NOX5: variants seen among roughly 807,000 people sequenced by gnomAD.
The protein encoded by NOX5 is NADPH oxidase 5, also known as NADPH oxidase, EF-hand calcium binding domain 5.
A neutral mutation model predicts 85.7 loss-of-function variants in NOX5; 76 were observed. The observed-to-expected ratio is 0.89, with a 90% CI of 0.74 to 1.07. The LOEUF is 1.07. NOX5 is among the 50% of genes least tolerant of loss of function. The pLI, the probability that NOX5 is intolerant of heterozygous loss-of-function variation, is 0.00. For synonymous variants in NOX5, 405 were observed against 401.4 expected (o/e 1.01, Z -0.11); for missense variants, 973 against 999.5 (o/e 0.97, Z 0.36).
chr15:69,045,679 C>T (rs2050664712), intron 10 of NOX5, among the ~76,000 whole-genome samples: 1 of 149,074 alleles, frequency 6.7e-6, no homozygotes, highest in African/African-American at 2.5e-5. Flanking sequence ...TTCTTTCACT[C>T]TTTCTTTCTT....
chr15:69,036,959 G>A, intron 7 of NOX5, 69 bp from the exon 8 acceptor site: 1 of 1,255,618 alleles, frequency 8.0e-7, no homozygotes, highest in Non-Finnish European at 1.2e-6. Context: ...GGATAACCCT[G>A]AGTCCTGGCT....
intron 6 of NOX5, 100 bp from the exon 7 acceptor site, chr15:69,035,658 C>T (rs2277554): frequency 0.91 from 1,422,206 of 1,557,294 alleles, 660,675 homozygotes; most frequent in Non-Finnish European, 0.96. Flanking sequence ...AGTTTCTGCC[C>T]GTGCTAGTAT....
At position 69,021,349 on chromosome 15, in the gene NOX5, CT is replaced by C. The variant is rs59303957; in HGVS notation, c.51-5162del. The stretch of plus-strand genomic sequence containing the variant: ...TGACATTTAACTGCCCTTTTGAATT[CT>C]TTTTTTTTTTTTTTTTGAGACAGCA... On this transcript the variant is annotated intron_variant, in intron 1 of 15. Transcript: ENST00000388866. Among the ~76,000 whole-genome samples, 967 of 133,982 alleles carry C rather than the reference CT, an allele frequency of 7.2e-3. 1 individual carries two copies. Among genetic ancestry groups the C allele is most frequent in the East Asian group, 0.019 (87 of 4,668 alleles). 87.9% of individuals were successfully genotyped at this position (133,982 alleles called of 152,430 possible).
chr15:69,059,560 A>G lies in NOX5; in HGVS notation c.*2864A>G, dbSNP rs909966065. ...CTTTTCTGCTTGCAACAAAATGTCCATCGGTGAGGTCAAGTTGAACTGAAC... is the reference window on the plus strand; with the variant it reads ...CTTTTCTGCTTGCAACAAAATGTCCGTCGGTGAGGTCAAGTTGAACTGAAC... On this transcript the variant is annotated 3_prime_UTR_variant, in exon 16 of 16. Transcript: ENST00000388866. 6.6e-6 allele frequency: 1 copy of G among 151,932 alleles called. No individual in the cohort carries two copies. The highest frequency in any genetic ancestry group is 2.4e-5 in the African/African-American group (1 of 41,300). 9.4% of individuals were successfully genotyped at this position (151,932 alleles called of 1,614,324 possible). A position where few individuals can be genotyped will look rare whatever the true frequency, so the allele number is the denominator to read the frequency against.
Position 69,031,395 on chromosome 15 carries a change from T to C in NOX5, c.326-123T>C, listed in dbSNP as rs550896990. 2.4e-5 allele frequency: 27 copies of C among 1,120,834 alleles called. 1 individual carries two copies. The Middle Eastern group carries it at 1.2e-3, about 48-fold the overall frequency. The allele number at this position is 1,120,834 out of a possible 1,614,324, so 69.4% of individuals were successfully genotyped here. A position where few individuals can be genotyped will look rare whatever the true frequency, so the allele number is the denominator to read the frequency against. On this transcript the variant is annotated intron_variant, in intron 3 of 15. Transcript: ENST00000388866. ...CTGTTGAGCTAGGCAGTCGGGAACATGGAAGGTTTCTGAGCTGAGGGTGAC... is the reference window on the plus strand; with the variant it reads ...CTGTTGAGCTAGGCAGTCGGGAACACGGAAGGTTTCTGAGCTGAGGGTGAC...
intron 1 of NOX5, among the ~76,000 whole-genome samples, chr15:69,021,047 A>C (rs2050289871): frequency 6.6e-6 from 1 of 152,190 alleles, no homozygotes; most frequent in Non-Finnish European, 1.5e-5. Flanking sequence ...TAACTAACTA[A>C]ACTAAGGTTG....
At chr15:69,033,429 C>T (rs974478159) in intron 5 of NOX5, 152 bp downstream of exon 5, 6 of 828,820 alleles carry the variant, frequency 7.2e-6, no homozygotes, top group South Asian at 1.7e-5. Flanking sequence ...AGTTGGAGGA[C>T]GCCGCCCAGA....
At chr15:69,032,654 G>T (rs949689194) in intron 4 of NOX5, among the ~76,000 whole-genome samples, 1 of 152,014 alleles carries the variant, frequency 6.6e-6, no homozygotes, top group African/African-American at 2.4e-5. Context: ...CAGGTGATCC[G>T]CCCGCCTTGG....
intron 6 of NOX5, 69 bp from the exon 7 acceptor site, chr15:69,035,689 T>C: frequency 6.3e-7 from 1 of 1,582,484 alleles, no homozygotes; most frequent in Non-Finnish European, 8.6e-7. Flanking sequence ...AGGGTGGGGA[T>C]CCCAATGGGA....
chr15:69,019,614 G>T lies in NOX5; in HGVS notation c.50+4829G>T, dbSNP rs138810065. ...AATCCTCTTTCTCCCCTCCAGTCCT[G>T]CCTCTTTAAGGACCAGTGCTGACAG... On this transcript the variant is annotated intron_variant, in intron 1 of 15. Transcript: ENST00000388866. Among the ~76,000 whole-genome samples the T allele has an allele frequency of 9.5e-4, 144 of 152,292 alleles. 1 individual carries two copies. Among genetic ancestry groups the T allele is most frequent in the African/African-American group, 3.2e-3 (134 of 41,566 alleles).
At chr15:69,039,361 A>G (rs2050563607) in intron 9 of NOX5, among the ~76,000 whole-genome samples, 1 of 150,524 alleles carries the variant, frequency 6.6e-6, no homozygotes, top group Non-Finnish European at 1.5e-5. Context: ...AGTCTTCTGT[A>G]ACTAGAGCTA....
intron 14 of NOX5, among the ~76,000 whole-genome samples, chr15:69,049,633 T>C (rs2050722758): frequency 6.6e-6 from 1 of 152,162 alleles, no homozygotes. Flanking sequence ...TATTTCTTTA[T>C]TTTTGTAATT....
Position 69,055,455 on chromosome 15 carries a change from G to A in NOX5, c.2121G>A (p.Thr707=), listed in dbSNP as rs773538154. The change falls in exon 15 of 16, where the codon ACG becomes ACA. Residue 707 remains threonine (T), a synonymous_variant. Coordinates refer to ENST00000388866, the MANE Select transcript of NOX5 (RefSeq NM_024505.4). ...ACAAGGAGAAGAAAGACTCCATCAC[G>A]GGGCTGCAGACGCGCACCCAGCCTG... ...LANKEKKDSI[T]GLQTRTQPGR... 1.3e-5 allele frequency: 21 copies of A among 1,614,148 alleles called. No homozygotes were observed. Among genetic ancestry groups the A allele is most frequent in the Middle Eastern group, 1.7e-4 (1 of 6,060 alleles).
chr15:69,026,905 C>G (rs887374247), intron 2 of NOX5, among the ~76,000 whole-genome samples: 2 of 152,192 alleles, frequency 1.3e-5, no homozygotes, highest in Admixed American at 1.3e-4. Flanking sequence ...ACAATTTCCA[C>G]TAGGCTCATG....
At position 69,038,947 on chromosome 15, in the gene NOX5, G is replaced by T. The variant is rs376759060; in HGVS notation, c.1462G>T (p.Glu488Ter). 1 of 1,614,042 alleles carries T rather than the reference G, an allele frequency of 6.2e-7. No homozygotes were observed. The highest frequency in any genetic ancestry group is 8.5e-7 in the Non-Finnish European group (1 of 1,180,008). The change falls in exon 9 of 16, where the codon GAG (glutamate) becomes TAG (stop). Residue 488 changes from glutamate to a stop codon, truncating the protein, a stop_gained. Coordinates refer to ENST00000388866, the MANE Select transcript of NOX5 (RefSeq NM_024505.4). LOFTEE classifies it high-confidence loss of function. ...YLNIPTIARY[E>*]WHPFTISSAP... ...GAACATCCCCACCATTGCTCGCTATGAGTGGCACCCCTTCACCATCAGCAG... is the reference window on the plus strand; with the variant it reads ...GAACATCCCCACCATTGCTCGCTATTAGTGGCACCCCTTCACCATCAGCAG...
At chr15:69,040,819 A>G (rs1444981755) in intron 9 of NOX5, among the ~76,000 whole-genome samples, 1 of 151,946 alleles carries the variant, frequency 6.6e-6, no homozygotes, top group East Asian at 1.9e-4. Context: ...CTGGGATTAC[A>G]GGCACGTGCC....
chr15:69,028,256 T>G lies in NOX5; in HGVS notation c.216T>G (p.Asp72Glu). The change falls in exon 3 of 16, where the codon GAT becomes GAG. Residue 72 changes from aspartate to glutamate, a missense_variant. Physicochemically the swap from Asp to Glu is conservative, Grantham distance 45. Coordinates refer to ENST00000388866, the MANE Select transcript of NOX5 (RefSeq NM_024505.4). ...GATTCTTTGCCCTATTTGACTCCGATAGAAGTGGCACCATCACCCTCCAGG... is the reference window on the plus strand; with the variant it reads ...GATTCTTTGCCCTATTTGACTCCGAGAGAAGTGGCACCATCACCCTCCAGG... Reference protein sequence around the residue: ...AERFFALFDSDRSGTITLQEL... With the variant: ...AERFFALFDSERSGTITLQEL... 1 of 1,613,128 alleles carries G rather than the reference T, an allele frequency of 6.2e-7. No homozygotes were observed. The highest frequency in any genetic ancestry group is 8.5e-7 in the Non-Finnish European group (1 of 1,179,564).
chr15:69,020,919 A>G (rs183454310), intron 1 of NOX5, among the ~76,000 whole-genome samples: 3 of 152,138 alleles, frequency 2.0e-5, no homozygotes, highest in African/African-American at 7.2e-5. Context: ...ATTTATTGAC[A>G]TAATAAAAAC....
intron 1 of NOX5, among the ~76,000 whole-genome samples, chr15:69,021,904 T>G (rs1049535762): frequency 3.3e-5 from 5 of 152,240 alleles, no homozygotes; most frequent in Admixed American, 2.0e-4. Context: ...ATCTGCATAT[T>G]TAAAATGGAT....
Sources: allele counts gnomAD v4.1 joint callset (sites outside exome capture counted in the v4.1 genomes callset), GRCh38; gene constraint gnomAD v4.1.1; transcripts MANE v1.5; gene names NCBI Gene and HGNC (gene_info 2026-07-23, HGNC 2026-07-21).